Variants in CSNK2A1 observed in about 807,000 individuals in gnomAD.
CSNK2A1 encodes casein kinase II subunit alpha.
CSNK2A1 carries 10 observed loss-of-function variants against 62.9 expected under a neutral mutation model. The ratio of observed to expected loss-of-function variants is 0.16; its 90% CI spans 0.10 to 0.27. The LOEUF is 0.27. Among genes scored for constraint, CSNK2A1 ranks in the 10% least tolerant of loss-of-function variants. The pLI, the probability that CSNK2A1 is intolerant of heterozygous loss-of-function variation, is 1.00. For synonymous variants in CSNK2A1, 124 were observed against 167.8 expected, an observed-to-expected ratio of 0.74 and a Z score of 2.02; for missense variants, 160 against 492.0, an observed-to-expected ratio of 0.33 and a Z score of 6.38.
rs780029011 is a variant in CSNK2A1, at chr20:486,365, A to G, written c.1060+11T>C. ...CACATTTTTTTAAAGAAAATTTACCAATGAACTGACCTGACATCATATTGG... is the reference window on the plus strand; with the variant it reads ...CACATTTTTTTAAAGAAAATTTACCGATGAACTGACCTGACATCATATTGG... On this transcript the variant is annotated intron_variant, in intron 13 of 13. Transcript: ENST00000217244. The G allele has an allele frequency of 9.9e-6, 16 of 1,613,334 alleles. No individual in the cohort carries two copies. Among genetic ancestry groups the G allele is most frequent in the Non-Finnish European group, 1.4e-5 (16 of 1,179,672 alleles).
chr20:511,713 C>T (rs901928543), intron 2 of CSNK2A1, among the ~76,000 whole-genome samples: 4 of 151,898 alleles, frequency 2.6e-5, no homozygotes, highest in East Asian at 1.9e-4. Context: ...TACACACACA[C>T]ACACACACAC....
At chr20:518,550 A>AT (rs2018873777) in intron 2 of CSNK2A1, among the ~76,000 whole-genome samples, 1 of 151,584 alleles carries the variant, frequency 6.6e-6, no homozygotes. Context: ...TATTTTTATT[A>AT]TTTTTTATTT....
rs539939034 is a variant in CSNK2A1, at chr20:518,740, A to G, written c.-110+9193T>C. On this transcript the variant is annotated intron_variant, in intron 2 of 13. Transcript: ENST00000217244. ...TTTTTTTTTTTTTTTTTTTTTAAGT[A>G]AAGACGGGGTTTCACCGTGTTAGCC... Among the ~76,000 whole-genome samples the G allele has an allele frequency of 3.5e-5, 5 of 142,230 alleles. No individual in the cohort carries two copies. The East Asian group carries it at 8.4e-4, about 24-fold the overall frequency. 93.3% of individuals were successfully genotyped at this position (142,230 alleles called of 152,430 possible). A position where few individuals can be genotyped will look rare whatever the true frequency, so the allele number is the denominator to read the frequency against.
chr20:472,645 G>C lies in CSNK2A1; in HGVS notation c.*11316C>G, dbSNP rs973718700. The C allele has an allele frequency of 1.3e-5, 2 of 152,190 alleles. No individual in the cohort carries two copies. The highest frequency in any genetic ancestry group is 4.8e-5 in the African/African-American group (2 of 41,442). 9.4% of individuals were successfully genotyped at this position (152,190 alleles called of 1,614,324 possible). A position where few individuals can be genotyped will look rare whatever the true frequency, so the allele number is the denominator to read the frequency against. On this transcript the variant is annotated 3_prime_UTR_variant, in exon 14 of 14. Coordinates refer to ENST00000217244, the MANE Select transcript of CSNK2A1 (RefSeq NM_177559.3). ...ACACAATTTGTGGGCAATAAACATT[G>C]TCAACATCCCAAGTAGACAGCAGTC...
intron 8 of CSNK2A1, among the ~76,000 whole-genome samples, chr20:493,565 T>C (rs1327822218): frequency 6.6e-6 from 1 of 152,194 alleles, no homozygotes; most frequent in Non-Finnish European, 1.5e-5. Context: ...CCCCTAATAG[T>C]AACATCTTAC....
chr20:519,712 T>A (rs1017698037), intron 2 of CSNK2A1, among the ~76,000 whole-genome samples: 17 of 152,214 alleles, frequency 1.1e-4, no homozygotes, highest in African/African-American at 3.9e-4. Context: ...AAAATTCTGT[T>A]ATCAAGCAAA....
rs1416628780 is a variant in CSNK2A1, at chr20:482,328, C to T, written c.*1633G>A. The stretch of plus-strand genomic sequence containing the variant: ...CAGAGCTGATGGTTTTGCTATTGTG[C>T]TTAAAAAACTAGGCTTCCTCAGTGA... On this transcript the variant is annotated 3_prime_UTR_variant, in exon 14 of 14. Transcript: ENST00000217244. 6.6e-6 allele frequency: 1 copy of T among 152,168 alleles called. No homozygotes were observed. The highest frequency in any genetic ancestry group is 2.4e-5 in the African/African-American group (1 of 41,446). The allele number at this position is 152,168 out of a possible 1,614,324, so 9.4% of individuals were successfully genotyped here. A position where few individuals can be genotyped will look rare whatever the true frequency, so the allele number is the denominator to read the frequency against.
chr20:525,531 A>G (rs558325264), intron 2 of CSNK2A1, among the ~76,000 whole-genome samples: 1,827 of 151,640 alleles, frequency 0.012, 22 homozygotes, highest in Non-Finnish European at 0.015. Flanking sequence ...GGCGCCTGTA[A>G]TCCCAGCTAC....
At chr20:486,254 TAAAAA>T in intron 13 of CSNK2A1, 117 bp downstream of exon 13, 2 of 1,075,988 alleles carry the variant, frequency 1.9e-6, no homozygotes, top group Non-Finnish European at 2.6e-6. Context: ...GAAACCTGGT[TAAAAA>T]AAAGTCACAA....
intron 10 of CSNK2A1, 129 bp from the exon 11 acceptor site, chr20:488,907 T>TTAGACTTC: frequency 5.1e-6 from 4 of 782,930 alleles, no homozygotes; most frequent in Non-Finnish European, 7.9e-6. Flanking sequence ...TCCTAACAGT[T>TTAGACTTC]TAGACTTCAA....
Position 508,502 on chromosome 20 carries a change from G to T in CSNK2A1, c.50C>A (p.Thr17Lys). The stretch of plus-strand genomic sequence containing the variant: ...ATCCCAGTATTCTCGAGGTCTGTGT[G>T]TATTAACATCTGTGTAAACTCTGGC... Reference protein sequence around the residue: ...SRARVYTDVNTHRPREYWDYE... With the variant: ...SRARVYTDVNKHRPREYWDYE... The change falls in exon 3 of 14, where the codon ACA (threonine) becomes AAA (lysine). Residue 17 changes from threonine to lysine, a missense_variant. Coordinates refer to ENST00000217244, the MANE Select transcript of CSNK2A1 (RefSeq NM_177559.3). The T allele has an allele frequency of 6.2e-7, 1 of 1,614,152 alleles. No individual in the cohort carries two copies. The highest frequency in any genetic ancestry group is 8.5e-7 in the Non-Finnish European group (1 of 1,180,022).
intron 1 of CSNK2A1, among the ~76,000 whole-genome samples, chr20:536,552 C>T (rs1324054562): frequency 2.6e-5 from 4 of 152,190 alleles, no homozygotes; most frequent in African/African-American, 9.7e-5. Context: ...AACTCCCAGA[C>T]TTGAAGAGGT....
At position 478,887 on chromosome 20, in the gene CSNK2A1, A is replaced by G; in HGVS notation, c.*5074T>C. The G allele has an allele frequency of 4.5e-6, 1 of 224,414 alleles. No homozygotes were observed. The highest frequency in any genetic ancestry group is 4.2e-5 in the South Asian group (1 of 23,962). 13.9% of individuals were successfully genotyped at this position (224,414 alleles called of 1,614,324 possible). A position where few individuals can be genotyped will look rare whatever the true frequency, so the allele number is the denominator to read the frequency against. On this transcript the variant is annotated 3_prime_UTR_variant, in exon 14 of 14. Transcript: ENST00000217244. ...GGCTGCAGTGAGCTGTGATGGCGCT[A>G]CTGCACTCTAGCCTGGGTAACAGAG...
chr20:540,175 C>G (rs1391427894), intron 1 of CSNK2A1, among the ~76,000 whole-genome samples: 1 of 152,212 alleles, frequency 6.6e-6, no homozygotes, highest in African/African-American at 2.4e-5. Flanking sequence ...GGGGGTCCAA[C>G]AGCCCTATTA....
intron 2 of CSNK2A1, among the ~76,000 whole-genome samples, chr20:517,441 C>T (rs1458297161): frequency 6.6e-6 from 1 of 152,164 alleles, no homozygotes; most frequent in East Asian, 1.9e-4. Flanking sequence ...AGTATCTCTG[C>T]CCTCAGACAA....
chr20:489,912 T>A, intron 9 of CSNK2A1, 31 bp from the exon 10 acceptor site: 1 of 1,520,794 alleles, frequency 6.6e-7, no homozygotes, highest in Non-Finnish European at 9.0e-7. Flanking sequence ...TGTTATTATC[T>A]GTGAATCCTC....
At chr20:536,092 G>A (rs1017712971) in intron 1 of CSNK2A1, among the ~76,000 whole-genome samples, 3 of 152,128 alleles carry the variant, frequency 2.0e-5, no homozygotes, top group African/African-American at 7.2e-5. Context: ...CCAGGACTAG[G>A]TAATAGACAC....
rs527980917 is a variant in CSNK2A1 at position 512,055 on chromosome 20, T to G, written c.-109-3395A>C. ...CCTTACTAACACTTGTTATTTTCTG[T>G]TTTTTGCTTGTTTTTATAGAGACAG... On this transcript the variant is annotated intron_variant, in intron 2 of 13. Transcript: ENST00000217244. Among the ~76,000 whole-genome samples the G allele has an allele frequency of 5.9e-5, 9 of 152,078 alleles. No homozygotes were observed. In the South Asian group the frequency reaches 1.9e-3, roughly 32 times the overall value.
chr20:511,699 T>C (rs1045688370), intron 2 of CSNK2A1, among the ~76,000 whole-genome samples: 1 of 101,940 alleles, frequency 9.8e-6, no homozygotes, highest in African/African-American at 5.9e-5. Flanking sequence ...ACTGTGTATA[T>C]ATATACACAC....
Sources: gnomAD v4.1 joint callset for allele counts (sites outside exome capture counted in the v4.1 genomes callset) on GRCh38, gnomAD v4.1.1 for gene constraint, MANE v1.5 for transcripts, NCBI Gene and HGNC (gene_info 2026-07-23, HGNC 2026-07-21) for gene names.